CCT2: variants seen among roughly 807,000 people sequenced by gnomAD.
CCT2 encodes the protein T-complex protein 1 subunit beta.
A neutral mutation model predicts 61.8 loss-of-function variants in CCT2; 18 were observed. That is an observed-to-expected ratio of 0.29 (90% CI 0.20 to 0.43). The LOEUF is 0.43. Ranked by LOEUF, CCT2 falls within the 20% of genes least tolerant of loss-of-function variation. CCT2 has a pLI of 1.00. For missense variants in CCT2, 556 were observed against 656.9 expected, an observed-to-expected ratio of 0.85 and a Z score of 1.68; for synonymous variants, 248 against 215.9, an observed-to-expected ratio of 1.15 and a Z score of -1.30.
intron 7 of CCT2, among the ~76,000 whole-genome samples, chr12:69,590,535 A>G (rs764842687): frequency 1.3e-5 from 2 of 152,092 alleles, no homozygotes; most frequent in African/African-American, 2.4e-5. Flanking sequence ...GTCAAAAAGT[A>G]TAGGCATTCT....
At position 69,601,433 on chromosome 12, in the gene CCT2, C is replaced by G. The variant is rs1315000518; in HGVS notation, c.*108C>G. ...ATCTGTTTATCGGTGCCCATTATAT[C>G]CTTAAGTTTGGATATTTAGCTGACC... On this transcript the variant is annotated 3_prime_UTR_variant, in exon 16 of 16. Coordinates refer to ENST00000299300, the MANE Select transcript of CCT2 (RefSeq NM_006431.3). 2 of 1,598,704 alleles carry G rather than the reference C, an allele frequency of 1.3e-6. No individual in the cohort carries two copies. The highest frequency in any genetic ancestry group is 1.7e-6 in the Non-Finnish European group (2 of 1,174,478).
At chr12:69,600,119 T>C in intron 15 of CCT2, 115 bp downstream of exon 15, 1 of 971,804 alleles carries the variant, frequency 1.0e-6, no homozygotes, top group South Asian at 2.0e-5. Flanking sequence ...TGGATAAAAG[T>C]ATGTAAGTTA....
At chr12:69,588,397 C>A in intron 6 of CCT2, 135 bp downstream of exon 6, 1 of 635,098 alleles carries the variant, frequency 1.6e-6, no homozygotes, top group Non-Finnish European at 2.7e-6. Context: ...AACAGTCAAA[C>A]CTACATCAGC....
At position 69,586,090 on chromosome 12, in the gene CCT2, A is replaced by G. The variant is rs77803910; in HGVS notation, c.4-180A>G. 1,294 of 1,247,790 alleles carry G rather than the reference A, an allele frequency of 1.0e-3. 10 individuals are homozygous for G. The African/African-American group carries it at 0.017, about 17-fold the overall frequency. 77.3% of individuals were successfully genotyped at this position (1,247,790 alleles called of 1,614,324 possible). On this transcript the variant is annotated intron_variant, in intron 1 of 15. Transcript: ENST00000299300. The stretch of plus-strand genomic sequence containing the variant: ...ATCCGAAAAGCCATGTCGCTCTCCT[A>G]CAAGTCCCTCTCTCCCACTTAAATG...
At position 69,601,246 on chromosome 12, in the gene CCT2, A is replaced by C. The variant is rs555452396; in HGVS notation, c.1578-49A>C. ...TGTATTTAGTATAATACTTTGGATA[A>C]AATCATGCTCTTCATTTTTCACTAT... On this transcript the variant is annotated intron_variant, in intron 15 of 15. Coordinates refer to ENST00000299300, the MANE Select transcript of CCT2 (RefSeq NM_006431.3). 1.0e-4 allele frequency: 148 copies of C among 1,452,232 alleles called. 4 individuals are homozygous for C. The South Asian group carries it at 1.7e-3, about 17-fold the overall frequency. 90.0% of individuals were successfully genotyped at this position (1,452,232 alleles called of 1,614,324 possible). A position where few individuals can be genotyped will look rare whatever the true frequency, so the allele number is the denominator to read the frequency against.
rs750895311 is a variant in CCT2 at position 69,587,487 on chromosome 12, C to T, written c.145-18C>T. The stretch of plus-strand genomic sequence containing the variant: ...GATGTGCTTATGTCTTAACTTGAAC[C>T]AATTATGTTCCCTTTAGGACAAAAT... On this transcript the variant is annotated intron_variant, in intron 3 of 15. Transcript: ENST00000299300. 2 of 1,435,064 alleles carry T rather than the reference C, an allele frequency of 1.4e-6. No individual in the cohort carries two copies. The highest frequency in any genetic ancestry group is 2.0e-6 in the Non-Finnish European group (2 of 1,017,672). 88.9% of individuals were successfully genotyped at this position (1,435,064 alleles called of 1,614,324 possible). A position where few individuals can be genotyped will look rare whatever the true frequency, so the allele number is the denominator to read the frequency against.
Position 69,586,798 on chromosome 12 carries a change from A to G in CCT2, c.124A>G (p.Thr42Ala). The G allele has an allele frequency of 1.3e-6, 2 of 1,595,858 alleles. No individual in the cohort carries two copies. Among genetic ancestry groups the G allele is most frequent in the Non-Finnish European group, 1.7e-6 (2 of 1,172,834 alleles). ...CGCCATTGGAGACTTGGTAAAGAGC[A>G]CCTTGGGACCCAAAGGCATGGTAAG... ...AIAIGDLVKSTLGPKGMDKIL... is the reference protein window; with the variant it reads ...AIAIGDLVKSALGPKGMDKIL... Residue 42 changes from threonine to alanine, a missense_variant, in exon 3 of 16, where the codon ACC becomes GCC. Transcript: ENST00000299300.
At chr12:69,585,558 C>A in intron 1 of CCT2, 34 bp downstream of exon 1, 1 of 1,566,898 alleles carries the variant, frequency 6.4e-7, no homozygotes, top group East Asian at 2.4e-5. Context: ...TGCCCTACCC[C>A]TGCTCCGCCG....
intron 1 of CCT2, chr12:69,585,820 C>G: frequency 1.5e-6 from 2 of 1,343,968 alleles, no homozygotes; most frequent in Non-Finnish European, 1.9e-6. Context: ...GTGTGGGACC[C>G]GCTCCGCCCT....
intron 8 of CCT2, chr12:69,592,564 A>G (rs1881865991): frequency 1.1e-5 from 2 of 180,230 alleles, no homozygotes; most frequent in South Asian, 2.7e-4. Context: ...ATAGGTATGA[A>G]TCTATTGTGT....
In CCT2 at chr12:69,593,090, T is replaced by C; in HGVS notation, c.865T>C (p.Cys289Arg). 1 of 1,613,204 alleles carries C rather than the reference T, an allele frequency of 6.2e-7. No homozygotes were observed. The highest frequency in any genetic ancestry group is 8.5e-7 in the Non-Finnish European group (1 of 1,179,332). Residue 289 changes from cysteine to arginine, a missense_variant, in exon 9 of 16, where the codon TGC becomes CGC. Physicochemically the swap from Cys to Arg is radical, Grantham distance 180. Transcript: ENST00000299300. ...VERILKHGIN[C>R]FINRQLIYNY... The stretch of plus-strand genomic sequence containing the variant: ...ACGTATTCTTAAGCATGGAATAAAT[T>C]GCTTTATTAACAGGTCTGTGTTTGC...
intron 10 of CCT2, among the ~76,000 whole-genome samples, chr12:69,595,623 G>A (rs1881963952): frequency 6.7e-6 from 1 of 150,068 alleles, no homozygotes; most frequent in South Asian, 2.1e-4. Context: ...GGGAGGTGGA[G>A]GTTGCAGTGA....
At chr12:69,590,459 A>G (rs1323520287) in intron 7 of CCT2, among the ~76,000 whole-genome samples, 1 of 152,188 alleles carries the variant, frequency 6.6e-6, no homozygotes, top group Non-Finnish European at 1.5e-5. Context: ...TCTTAGTAGT[A>G]CATTTTTGTT....
At chr12:69,596,129 A>T (rs1881982318) in intron 10 of CCT2, among the ~76,000 whole-genome samples, 1 of 152,248 alleles carries the variant, frequency 6.6e-6, no homozygotes, top group East Asian at 1.9e-4. Flanking sequence ...TTCATAAGCC[A>T]AGTTAGTCTT....
At chr12:69,599,165 C>T (rs547960264) in intron 14 of CCT2, among the ~76,000 whole-genome samples, 1 of 152,270 alleles carries the variant, frequency 6.6e-6, no homozygotes, top group African/African-American at 2.4e-5. Context: ...TAATTCACTG[C>T]AGCCTTGAAC....
chr12:69,588,683 T>C (rs1488065401), intron 6 of CCT2, among the ~76,000 whole-genome samples: 2 of 152,186 alleles, frequency 1.3e-5, no homozygotes, highest in Non-Finnish European at 2.9e-5. Context: ...AAAATAACTT[T>C]GTGACGTTGC....
chr12:69,600,028 A>G (rs750262579), intron 15 of CCT2, 24 bp downstream of exon 15: 1 of 1,582,938 alleles, frequency 6.3e-7, no homozygotes, highest in Non-Finnish European at 8.6e-7. Context: ...TTTCTCAGAA[A>G]AAATTACTAA....
chr12:69,585,519 A>G lies in CCT2; in HGVS notation c.-3A>G. On this transcript the variant is annotated 5_prime_UTR_variant, in exon 1 of 16. Transcript: ENST00000299300. Reference sequence around the variant, plus strand: ...TCACTTGTGTGCGGAACTCCTCGGAACCATGGTGAGCCTGACTCCCCTGCC... The same window carrying G: ...TCACTTGTGTGCGGAACTCCTCGGAGCCATGGTGAGCCTGACTCCCCTGCC... 6.4e-7 allele frequency: 1 copy of G among 1,569,304 alleles called. No individual in the cohort carries two copies. The highest frequency in any genetic ancestry group is 1.2e-5 in the South Asian group (1 of 85,404).
In CCT2 at chr12:69,587,938, A is replaced by C. The variant is rs371158821; in HGVS notation, c.265A>C (p.Arg89=). The change falls in exon 5 of 16, where the codon AGG becomes CGG. Residue 89 remains arginine, a synonymous_variant. Coordinates refer to ENST00000299300, the MANE Select transcript of CCT2 (RefSeq NM_006431.3). ...CTAATTTCTTTTTCTAGATATGTCA[A>C]GGGTTCAAGATGATGAAGTTGGTGA... ...PAAKVLVDMS[R]VQDDEVGDGT... 1.2e-6 allele frequency: 2 copies of C among 1,611,830 alleles called. No individual in the cohort carries two copies. Among genetic ancestry groups the C allele is most frequent in the African/African-American group, 2.7e-5 (2 of 74,882 alleles).
Sources: allele counts gnomAD v4.1 joint callset (sites outside exome capture counted in the v4.1 genomes callset), GRCh38; gene constraint gnomAD v4.1.1; transcripts MANE v1.5; gene names NCBI Gene and HGNC (gene_info 2026-07-23, HGNC 2026-07-21).